Variants in RAPGEF2 observed in about 807,000 individuals in gnomAD.
RAPGEF2 encodes the protein Rap guanine nucleotide exchange factor 2.
A neutral mutation model predicts 186.7 loss-of-function variants in RAPGEF2; 54 were observed. That is an observed-to-expected ratio of 0.29 (90% CI 0.23 to 0.36). The LOEUF (loss-of-function observed/expected upper bound fraction) is 0.36, where lower values mean the gene tolerates loss of function less well. RAPGEF2 is among the 10% of genes least tolerant of loss of function. The probability of loss-of-function intolerance (pLI) is 1.00; values close to 1 mark genes in which losing one functional copy is unlikely to be tolerated. For synonymous variants in RAPGEF2, 712 were observed against 705.9 expected, an observed-to-expected ratio of 1.01 and a Z score of -0.14; for missense variants, 1,532 against 2,045.0, an observed-to-expected ratio of 0.75 and a Z score of 4.84.
At chr4:159,260,096 C>G (rs115221929) in intron 7 of RAPGEF2, among the ~76,000 whole-genome samples, 3,755 of 152,110 alleles carry the variant, frequency 0.025, 153 homozygotes, top group African/African-American at 0.086. Flanking sequence ...CTCCCAGGCT[C>G]AAGTGATTCA....
chr4:159,321,775 A>C (rs866612945), intron 9 of RAPGEF2, among the ~76,000 whole-genome samples: 51 of 152,198 alleles, frequency 3.4e-4, no homozygotes, highest in African/African-American at 1.2e-3. Context: ...AGAGTGAACA[A>C]ACTTCCTTTT....
chr4:159,253,929 C>A (rs1455605575), intron 7 of RAPGEF2, among the ~76,000 whole-genome samples: 2 of 151,766 alleles, frequency 1.3e-5, no homozygotes, highest in African/African-American at 4.8e-5. Flanking sequence ...GGGAACAGAG[C>A]GAGACTCCGT....
intron 1 of RAPGEF2, among the ~76,000 whole-genome samples, chr4:159,160,422 G>A (rs145884996): frequency 0.015 from 2,267 of 152,292 alleles, 69 homozygotes; most frequent in African/African-American, 0.051. Context: ...CACAGTAAAT[G>A]CTAGAACTGA....
At chr4:159,200,828 A>G (rs1046209334) in intron 3 of RAPGEF2, among the ~76,000 whole-genome samples, 2 of 152,168 alleles carry the variant, frequency 1.3e-5, no homozygotes, top group African/African-American at 4.8e-5. Flanking sequence ...ACTTTTAAGA[A>G]ATAGAATAAA....
chr4:159,314,475 G>T, intron 8 of RAPGEF2, 116 bp from the exon 9 acceptor site: 1 of 959,320 alleles, frequency 1.0e-6, no homozygotes, highest in Non-Finnish European at 1.5e-6. Flanking sequence ...CATAGTTGTT[G>T]GATGGAAAAA....
chr4:159,135,494 T>C (rs1442322559), intron 1 of RAPGEF2, among the ~76,000 whole-genome samples: 3 of 152,248 alleles, frequency 2.0e-5, no homozygotes, highest in Non-Finnish European at 2.9e-5. Context: ...ATGTACAAGA[T>C]TGCATTTCCT....
intron 17 of RAPGEF2, among the ~76,000 whole-genome samples, chr4:159,333,380 C>A (rs555448522): frequency 6.6e-6 from 1 of 152,028 alleles, no homozygotes; most frequent in East Asian, 2.0e-4. Context: ...ATCTTCTTTA[C>A]CAACAGCATG....
chr4:159,335,768 G>A (rs551282062), intron 17 of RAPGEF2, among the ~76,000 whole-genome samples: 1 of 151,094 alleles, frequency 6.6e-6, no homozygotes, highest in East Asian at 2.0e-4. Context: ...CCCGGGAGGC[G>A]GAGCTTGCAG....
intron 7 of RAPGEF2, among the ~76,000 whole-genome samples, chr4:159,253,697 G>A (rs1042516444): frequency 8.6e-5 from 13 of 151,904 alleles, no homozygotes; most frequent in Admixed American, 6.5e-5. Flanking sequence ...GGCCAGGCGC[G>A]GTGGCTCATG....
intron 7 of RAPGEF2, among the ~76,000 whole-genome samples, chr4:159,272,740 T>C (rs1303554766): frequency 6.6e-6 from 1 of 151,898 alleles, no homozygotes; most frequent in Non-Finnish European, 1.5e-5. Context: ...AATATGAGGG[T>C]TTGAGGAAAA....
intron 7 of RAPGEF2, among the ~76,000 whole-genome samples, chr4:159,302,389 A>G (rs1561242845): frequency 6.6e-6 from 1 of 152,202 alleles, no homozygotes; most frequent in East Asian, 1.9e-4. Flanking sequence ...TCATGTCTGT[A>G]AAAGATAATC....
intron 7 of RAPGEF2, among the ~76,000 whole-genome samples, chr4:159,299,543 T>G (rs1762407317): frequency 6.6e-6 from 1 of 152,012 alleles, no homozygotes; most frequent in Admixed American, 6.6e-5. Context: ...TATCAATAAT[T>G]AGTAATTCAG....
chr4:159,241,023 C>T (rs190755005), intron 5 of RAPGEF2, 178 bp from the exon 6 acceptor site: 31 of 481,406 alleles, frequency 6.4e-5, no homozygotes, highest in African/African-American at 3.9e-4. Context: ...AGAAATGTTA[C>T]TCAAAACCAG....
chr4:159,341,192 G>GGTCT (rs1729425360), intron 19 of RAPGEF2, among the ~76,000 whole-genome samples: 1 of 152,098 alleles, frequency 6.6e-6, no homozygotes, highest in South Asian at 2.1e-4. Flanking sequence ...GACGTACTTG[G>GGTCT]GTCTAATCTT....
chr4:159,296,864 A>G (rs981018724), intron 7 of RAPGEF2, among the ~76,000 whole-genome samples: 2 of 152,166 alleles, frequency 1.3e-5, no homozygotes, highest in African/African-American at 4.8e-5. Flanking sequence ...TTTCTACTCA[A>G]TGCTTTCTTT....
chr4:159,187,907 C>T (rs1747718190), intron 2 of RAPGEF2, among the ~76,000 whole-genome samples: 1 of 152,150 alleles, frequency 6.6e-6, no homozygotes, highest in Non-Finnish European at 1.5e-5. Context: ...GTGAGCATGT[C>T]AATTCCATAT....
intron 4 of RAPGEF2, chr4:159,228,310 A>G (rs891108777): frequency 1.3e-5 from 2 of 152,228 alleles, no homozygotes; most frequent in African/African-American, 4.8e-5. Flanking sequence ...AGAAGGTGAC[A>G]GCACTGTTGG....
intron 1 of RAPGEF2, among the ~76,000 whole-genome samples, chr4:159,120,222 G>A (rs1739508055): frequency 6.6e-6 from 1 of 152,186 alleles, no homozygotes; most frequent in East Asian, 1.9e-4. Flanking sequence ...GTTTCGCCAT[G>A]TTGGCCAGGC....
At position 159,210,480 on chromosome 4, in the gene RAPGEF2, C is replaced by T; in HGVS notation, c.198-20C>T. ...TGTTGTTATAGGTAACAATCTGATT[C>T]TGTTACCTTTTCTTTTCAGCCCTGA... On this transcript the variant is annotated intron_variant, in intron 3 of 29. Coordinates refer to ENST00000691494, the MANE Select transcript of RAPGEF2 (RefSeq NM_001394067.2). The T allele has an allele frequency of 6.8e-7, 1 of 1,479,248 alleles. No individual in the cohort carries two copies. The highest frequency in any genetic ancestry group is 2.0e-5 in the Admixed American group (1 of 50,638). 91.6% of individuals were successfully genotyped at this position (1,479,248 alleles called of 1,614,324 possible). A position where few individuals can be genotyped will look rare whatever the true frequency, so the allele number is the denominator to read the frequency against.
Sources: gnomAD v4.1 joint callset for allele counts (sites outside exome capture counted in the v4.1 genomes callset) on GRCh38, gnomAD v4.1.1 for gene constraint, MANE v1.5 for transcripts, NCBI Gene and HGNC (gene_info 2026-07-23, HGNC 2026-07-21) for gene names.